Variants in ZCCHC7 observed in about 807,000 individuals in gnomAD.
The protein encoded by ZCCHC7 is zinc finger CCHC domain-containing protein 7.
In ZCCHC7, 35 loss-of-function variants were observed where a neutral mutation model predicts 52.0. That is an observed-to-expected ratio of 0.67 (90% CI 0.51 to 0.89). The LOEUF is 0.89. ZCCHC7 is among the 40% of genes least tolerant of loss of function. ZCCHC7 has a pLI of 0.00. For missense variants in ZCCHC7, 574 were observed against 649.1 expected, an observed-to-expected ratio of 0.88 and a Z score of 1.26; for synonymous variants, 217 against 221.5, an observed-to-expected ratio of 0.98 and a Z score of 0.18.
chr9:37,142,128 A>G lies in ZCCHC7; in HGVS notation c.610+15186A>G, dbSNP rs533886018. Among the ~76,000 whole-genome samples, 13 of 151,960 alleles carry G rather than the reference A, an allele frequency of 8.6e-5. No homozygotes were observed. The South Asian group carries it at 2.7e-3, about 31-fold the overall frequency. On this transcript the variant is annotated intron_variant, in intron 2 of 8. Coordinates refer to ENST00000336755, the MANE Select transcript of ZCCHC7 (RefSeq NM_032226.3). ...TGAATTTTGTATTTGCTAAATTAAC[A>G]TAAAATAATAAAGAGATCCTTTTTA...
chr9:37,270,376 A>T (rs1225810579), intron 2 of ZCCHC7, among the ~76,000 whole-genome samples: 3 of 152,084 alleles, frequency 2.0e-5, no homozygotes, highest in Non-Finnish European at 4.4e-5. Flanking sequence ...CTACATACAC[A>T]TAAAGTCTTA....
At chr9:37,332,142 T>G (rs1830473649) in intron 6 of ZCCHC7, among the ~76,000 whole-genome samples, 1 of 151,616 alleles carries the variant, frequency 6.6e-6, no homozygotes, top group Non-Finnish European at 1.5e-5. Flanking sequence ...GTGTTGCTAT[T>G]GAGACATTAC....
chr9:37,279,544 G>T (rs1308904678), intron 2 of ZCCHC7, among the ~76,000 whole-genome samples: 1 of 152,012 alleles, frequency 6.6e-6, no homozygotes, highest in Non-Finnish European at 1.5e-5. Flanking sequence ...GTAATTGAAA[G>T]ATCTAAATGT....
Position 37,132,279 on chromosome 9 carries a change from A to G in ZCCHC7, c.610+5337A>G, listed in dbSNP as rs371310192. Among the ~76,000 whole-genome samples, 25 of 152,320 alleles carry G rather than the reference A, an allele frequency of 1.6e-4. No homozygotes were observed. In the South Asian group the frequency reaches 4.6e-3, roughly 28 times the overall value. On this transcript the variant is annotated intron_variant, in intron 2 of 8. Transcript: ENST00000336755. ...TGACATGTGACAATAAAGCCATAAT[A>G]GCTACTTATTTTCCTGGTTAGGGAA... is the stretch of plus-strand genomic sequence containing the variant.
rs942979056 is a variant in ZCCHC7 at position 37,323,205 on chromosome 9, C to G, written c.952-4594C>G. Among the ~76,000 whole-genome samples the G allele has an allele frequency of 2.0e-5, 3 of 152,150 alleles. No individual in the cohort carries two copies. In the South Asian group the frequency reaches 6.2e-4, roughly 32 times the overall value. ...TCATGCTACATTTTACTAGCTCTTA[C>G]AAGGTTTTACTTTACATTACCTTAG... is the stretch of plus-strand genomic sequence containing the variant. On this transcript the variant is annotated intron_variant, in intron 5 of 8. Coordinates refer to ENST00000336755, the MANE Select transcript of ZCCHC7 (RefSeq NM_032226.3).
chr9:37,343,468 T>C (rs1820764933), intron 6 of ZCCHC7, among the ~76,000 whole-genome samples: 1 of 152,220 alleles, frequency 6.6e-6, no homozygotes, highest in Admixed American at 6.5e-5. Context: ...ATCTCCGTAT[T>C]CCTCGCAGTG....
At chr9:37,132,088 C>CT (rs940608605) in intron 2 of ZCCHC7, among the ~76,000 whole-genome samples, 2 of 151,210 alleles carry the variant, frequency 1.3e-5, no homozygotes, top group African/African-American at 4.9e-5. Flanking sequence ...CCGCCCCTTC[C>CT]TTTTTTTTTA....
intron 2 of ZCCHC7, among the ~76,000 whole-genome samples, chr9:37,296,035 A>C (rs1828768816): frequency 6.6e-6 from 1 of 152,152 alleles, no homozygotes; most frequent in Non-Finnish European, 1.5e-5. Context: ...AGGTTGGTGC[A>C]AAAGTAGTTG....
At chr9:37,278,034 G>GTGTGTGTGTGTTTTGTTTTGTTTTGTTT (rs74182939) in intron 2 of ZCCHC7, among the ~76,000 whole-genome samples, 13 of 142,860 alleles carry the variant, frequency 9.1e-5, no homozygotes, top group African/African-American at 2.9e-4. Flanking sequence ...GTGTGTGTGT[G>GTGTGTGTGTGTTTTGTTTTGTTTTGTTT]TGTTTTGTTT....
chr9:37,136,554 C>T (rs974402050), intron 2 of ZCCHC7, among the ~76,000 whole-genome samples: 3 of 152,104 alleles, frequency 2.0e-5, no homozygotes, highest in African/African-American at 7.2e-5. Context: ...ACCTCCCGGG[C>T]TGAAGTGATC....
At chr9:37,185,238 A>G (rs1378115541) in intron 2 of ZCCHC7, among the ~76,000 whole-genome samples, 1 of 152,174 alleles carries the variant, frequency 6.6e-6, no homozygotes, top group Non-Finnish European at 1.5e-5. Flanking sequence ...TGTTAGGTAC[A>G]CATACTATAG....
At chr9:37,323,061 C>A (rs1162542705) in intron 5 of ZCCHC7, among the ~76,000 whole-genome samples, 1 of 152,048 alleles carries the variant, frequency 6.6e-6, no homozygotes, top group African/African-American at 2.4e-5. Context: ...ACTGTTAGCC[C>A]CGTTTTACCT....
At chr9:37,177,557 A>G (rs1822108542) in intron 2 of ZCCHC7, among the ~76,000 whole-genome samples, 1 of 152,202 alleles carries the variant, frequency 6.6e-6, no homozygotes. Context: ...AAGAATAGTA[A>G]TATGTCATAA....
At chr9:37,290,129 T>C (rs1828464321) in intron 2 of ZCCHC7, among the ~76,000 whole-genome samples, 1 of 152,236 alleles carries the variant, frequency 6.6e-6, no homozygotes, top group Non-Finnish European at 1.5e-5. Flanking sequence ...CACTAGACGA[T>C]AAGTTCTATC....
At chr9:37,150,473 A>G (rs570345328) in intron 2 of ZCCHC7, among the ~76,000 whole-genome samples, 24 of 152,326 alleles carry the variant, frequency 1.6e-4, no homozygotes, top group Admixed American at 7.8e-4. Flanking sequence ...GTTCTTTTCT[A>G]TGGTGACAGT....
intron 2 of ZCCHC7, among the ~76,000 whole-genome samples, chr9:37,192,370 A>AT (rs1163207286): frequency 6.6e-6 from 1 of 152,200 alleles, no homozygotes; most frequent in Non-Finnish European, 1.5e-5. Context: ...ATATTGAATT[A>AT]TTTCAGTATA....
intron 2 of ZCCHC7, among the ~76,000 whole-genome samples, chr9:37,191,443 A>G (rs1293026084): frequency 5.3e-5 from 8 of 150,994 alleles, no homozygotes; most frequent in Non-Finnish European, 8.9e-5. Context: ...TGTTTTTTAC[A>G]CTGTATTTCT....
At chr9:37,262,103 A>C (rs1425064021) in intron 2 of ZCCHC7, among the ~76,000 whole-genome samples, 1 of 152,172 alleles carries the variant, frequency 6.6e-6, no homozygotes, top group Non-Finnish European at 1.5e-5. Flanking sequence ...GACAATAGCA[A>C]TCTGTATGTT....
intron 2 of ZCCHC7, among the ~76,000 whole-genome samples, chr9:37,148,869 G>A (rs1298761496): frequency 1.3e-5 from 2 of 152,110 alleles, no homozygotes; most frequent in Non-Finnish European, 2.9e-5. Flanking sequence ...AGGAGGTAAG[G>A]CAATTCAGCA....
Sources: allele counts gnomAD v4.1 joint callset (sites outside exome capture counted in the v4.1 genomes callset), GRCh38; gene constraint gnomAD v4.1.1; transcripts MANE v1.5; gene names NCBI Gene and HGNC (gene_info 2026-07-23, HGNC 2026-07-21).